The following TMEM132D variants were observed in gnomAD, a reference collection of about 807,000 sequenced individuals.
TMEM132D encodes mature OL transmembrane protein.
In TMEM132D, 21 loss-of-function variants were observed where a neutral mutation model predicts 62.3. The ratio of observed to expected loss-of-function variants is 0.34; its 90% CI spans 0.24 to 0.49. The LOEUF is 0.49. TMEM132D is among the 20% of genes least tolerant of loss of function. The pLI is 0.99. For synonymous variants in TMEM132D, 621 were observed against 575.6 expected, an observed-to-expected ratio of 1.08 and a Z score of -1.13; for missense variants, 1,346 against 1,402.8, an observed-to-expected ratio of 0.96 and a Z score of 0.65.
At chr12:129,394,263 C>G (rs998137449) in intron 3 of TMEM132D, among the ~76,000 whole-genome samples, 5 of 152,114 alleles carry the variant, frequency 3.3e-5, no homozygotes, top group Admixed American at 6.5e-5. Flanking sequence ...AGATTTTATC[C>G]TCTGCTGTCC....
intron 2 of TMEM132D, among the ~76,000 whole-genome samples, chr12:129,636,737 T>TGTGAGAGAGAGA (rs375868329): frequency 1.7e-4 from 19 of 113,562 alleles, no homozygotes; most frequent in African/African-American, 4.3e-4. Flanking sequence ...TGTGTGTGTG[T>TGTGAGAGAGAGA]GAGAGAGAGA....
At chr12:129,679,547 CTTCT>C (rs1389531846) in intron 2 of TMEM132D, among the ~76,000 whole-genome samples, 2 of 151,896 alleles carry the variant, frequency 1.3e-5, no homozygotes, top group African/African-American at 2.4e-5. Context: ...TGTCTGTCAC[CTTCT>C]TTCTAATTCT....
At chr12:129,332,739 A>G (rs1869149373) in intron 4 of TMEM132D, among the ~76,000 whole-genome samples, 1 of 152,178 alleles carries the variant, frequency 6.6e-6, no homozygotes, top group Non-Finnish European at 1.5e-5. Context: ...TGTGCAAGCC[A>G]AAAAAGTCTG....
At chr12:129,539,078 G>A (rs951062550) in intron 2 of TMEM132D, among the ~76,000 whole-genome samples, 4 of 152,142 alleles carry the variant, frequency 2.6e-5, no homozygotes, top group Non-Finnish European at 4.4e-5. Flanking sequence ...GAGACCATGT[G>A]GGTGACAAGG....
At chr12:129,891,393 G>A (rs80243064) in intron 1 of TMEM132D, among the ~76,000 whole-genome samples, 1,527 of 152,294 alleles carry the variant, frequency 0.01, 21 homozygotes, top group African/African-American at 0.035. Flanking sequence ...CATCATCAAA[G>A]AGCAAGACCT....
At chr12:129,142,122 G>T (rs954457935) in intron 5 of TMEM132D, among the ~76,000 whole-genome samples, 1 of 151,758 alleles carries the variant, frequency 6.6e-6, no homozygotes, top group Non-Finnish European at 1.5e-5. Context: ...AAAAAGGTTG[G>T]CCATAAATAA....
chr12:129,362,377 G>A (rs2135675036), intron 3 of TMEM132D, among the ~76,000 whole-genome samples: 1 of 152,210 alleles, frequency 6.6e-6, no homozygotes, highest in South Asian at 2.1e-4. Flanking sequence ...CTATTTAAAA[G>A]TGAAATGTCC....
chr12:129,520,371 C>T (rs751989267), intron 3 of TMEM132D, among the ~76,000 whole-genome samples: 4 of 152,176 alleles, frequency 2.6e-5, no homozygotes, highest in Non-Finnish European at 5.9e-5. Context: ...GAAGAAAAAG[C>T]CCCAGAACTG....
intron 3 of TMEM132D, among the ~76,000 whole-genome samples, chr12:129,405,291 G>A (rs1381382185): frequency 6.6e-6 from 1 of 152,014 alleles, no homozygotes; most frequent in Non-Finnish European, 1.5e-5. Context: ...GCTTTCTGGT[G>A]TCTCTCCTTA....
chr12:129,080,632 A>G (rs1158067317), intron 7 of TMEM132D, among the ~76,000 whole-genome samples: 1 of 152,196 alleles, frequency 6.6e-6, no homozygotes, highest in Non-Finnish European at 1.5e-5. Flanking sequence ...TGATAAGACA[A>G]TCGCATTGCC....
intron 1 of TMEM132D, among the ~76,000 whole-genome samples, chr12:129,830,200 A>C (rs1872787890): frequency 6.6e-6 from 1 of 152,204 alleles, no homozygotes; most frequent in South Asian, 2.1e-4. Context: ...ACATACATAC[A>C]AACATATGTG....
intron 1 of TMEM132D, among the ~76,000 whole-genome samples, chr12:129,739,734 G>A (rs1869540964): frequency 6.6e-6 from 1 of 152,094 alleles, no homozygotes; most frequent in African/African-American, 2.4e-5. Context: ...TCATCCTCTG[G>A]CTTCTGGCTG....
Position 129,779,913 on chromosome 12 carries a change from C to T in TMEM132D, c.80-79215G>A, listed in dbSNP as rs75183407. Among the ~76,000 whole-genome samples the T allele has an allele frequency of 0.017, 2,553 of 152,178 alleles. 25 individuals are homozygous for T. Among genetic ancestry groups the T allele is most frequent in the Non-Finnish European group, 0.024 (1,664 of 68,022 alleles). ...TACTATTTTTACCAACGTGCTTTTA[C>T]GCATTGACTCCAGAAATCCTTACAA... On this transcript the variant is annotated intron_variant, in intron 1 of 8. Transcript: ENST00000422113. The surrounding 1 kb of genome is among the most constrained non-coding windows in gnomAD (Gnocchi z 4.1).
intron 1 of TMEM132D, among the ~76,000 whole-genome samples, chr12:129,855,100 A>AGTCCGGGGGAACGG (rs1873685581): frequency 7.4e-6 from 1 of 134,544 alleles, no homozygotes; most frequent in Admixed American, 7.2e-5. Flanking sequence ...CTTATAACAG[A>AGTCCGGGGGAACGG]GTCCGGGGGA....
At chr12:129,169,937 A>T (rs1424506628) in intron 5 of TMEM132D, among the ~76,000 whole-genome samples, 1 of 152,246 alleles carries the variant, frequency 6.6e-6, no homozygotes, top group East Asian at 1.9e-4. Flanking sequence ...TATATTTTCT[A>T]ACACATTACA....
chr12:129,573,391 G>A (rs1196603424), intron 2 of TMEM132D, among the ~76,000 whole-genome samples: 3 of 152,278 alleles, frequency 2.0e-5, no homozygotes, highest in Middle Eastern at 3.4e-3. Flanking sequence ...GCATTCATCC[G>A]TGCTTATCAT....
chr12:129,120,977 C>G (rs112942250), intron 5 of TMEM132D, among the ~76,000 whole-genome samples: 4 of 152,196 alleles, frequency 2.6e-5, no homozygotes, highest in African/African-American at 9.6e-5. Context: ...CAAAGATGCT[C>G]ACATCCTCAT....
At chr12:129,228,916 TC>T (rs1879557296) in intron 4 of TMEM132D, among the ~76,000 whole-genome samples, 1 of 152,228 alleles carries the variant, frequency 6.6e-6, no homozygotes, top group Non-Finnish European at 1.5e-5. Flanking sequence ...GATCCGGACT[TC>T]TGGTTTGTCT....
At position 129,888,977 on chromosome 12, in the gene TMEM132D, A is replaced by G. The variant is rs183028947; in HGVS notation, c.79+14284T>C. 1.4e-4 allele frequency among the ~76,000 whole-genome samples: 22 copies of G among 152,358 alleles called. 1 individual carries two copies. Among genetic ancestry groups the G allele is most frequent in the Admixed American group, 1.1e-3 (17 of 15,306 alleles). On this transcript the variant is annotated intron_variant, in intron 1 of 8. Coordinates refer to ENST00000422113, the MANE Select transcript of TMEM132D (RefSeq NM_133448.3). ...AGTCGGGGAAGTCCCAAGAAGCATT[A>G]TGGTCTTATAAGAGGCAGGCCCAGA...
Sources: gnomAD v4.1 joint callset for allele counts (sites outside exome capture counted in the v4.1 genomes callset) on GRCh38, gnomAD v4.1.1 for gene constraint, Gnocchi (gnomAD v3.1) non-coding constraint, MANE v1.5 for transcripts, NCBI Gene and HGNC (gene_info 2026-07-23, HGNC 2026-07-21) for gene names.